KCNK13: variants seen among roughly 807,000 people sequenced by gnomAD.
KCNK13 encodes potassium two pore domain channel subfamily K member 13.
Under a neutral mutation model 23.4 loss-of-function variants are expected in KCNK13, and 12 were observed. The observed-to-expected ratio is 0.51, with a 90% CI of 0.33 to 0.83. The LOEUF (loss-of-function observed/expected upper bound fraction) is 0.83. Among genes scored for constraint, KCNK13 ranks in the 40% least tolerant of loss-of-function variants. The pLI, the probability that KCNK13 is intolerant of heterozygous loss-of-function variation, is 0.02. For synonymous variants in KCNK13, 231 were observed against 229.5 expected, an observed-to-expected ratio of 1.01 and a Z score of -0.06; for missense variants, 463 against 556.3, an observed-to-expected ratio of 0.83 and a Z score of 1.69.
chr14:90,085,958 A>G (rs1248108424), intron 1 of KCNK13, among the ~76,000 whole-genome samples: 2 of 149,636 alleles, frequency 1.3e-5, no homozygotes, highest in East Asian at 3.9e-4. Context: ...GGATAATACT[A>G]TAGATCTATA....
rs141652229 is a variant in KCNK13 at position 90,132,612 on chromosome 14, G to A, written c.335-51499G>A. 8.2e-3 allele frequency among the ~76,000 whole-genome samples: 1,240 copies of A among 152,146 alleles called. 21 individuals are homozygous for A. The highest frequency in any genetic ancestry group is 0.029 in the African/African-American group (1,186 of 41,496). On this transcript the variant is annotated intron_variant, in intron 1 of 1. Coordinates refer to ENST00000282146, the MANE Select transcript of KCNK13 (RefSeq NM_022054.4). ...CCTGGGTTGGGAGGAGGAGGGAATA[G>A]GGAATTATTTAGTGGGCCTATAGTT...
At chr14:90,130,563 A>C (rs1254835437) in intron 1 of KCNK13, among the ~76,000 whole-genome samples, 2 of 151,654 alleles carry the variant, frequency 1.3e-5, no homozygotes, top group Non-Finnish European at 2.9e-5. Context: ...CTGTAATCTC[A>C]GCACTTTGGG....
chr14:90,106,972 G>T (rs1448955592), intron 1 of KCNK13, among the ~76,000 whole-genome samples: 1 of 152,180 alleles, frequency 6.6e-6, no homozygotes, highest in Non-Finnish European at 1.5e-5. Context: ...AGTGAGCTGA[G>T]ATCGCACCAC....
rs536433329 is a variant in KCNK13 at position 90,074,210 on chromosome 14, C to T, written c.334+11671C>T. Among the ~76,000 whole-genome samples, 3 of 152,300 alleles carry T rather than the reference C, an allele frequency of 2.0e-5. No homozygotes were observed. The South Asian group carries it at 6.2e-4, about 32-fold the overall frequency. On this transcript the variant is annotated intron_variant, in intron 1 of 1. Transcript: ENST00000282146. ...GTCTCGAACTCCTGACCTCGTGATC[C>T]ACCCGCCTTGGCCTCCCAAGGTGCT...
intron 1 of KCNK13, among the ~76,000 whole-genome samples, chr14:90,169,608 T>C (rs938906901): frequency 4.6e-5 from 7 of 152,214 alleles, no homozygotes; most frequent in African/African-American, 1.7e-4. Context: ...CTAAGCATTT[T>C]CTTTAGGATA....
chr14:90,113,039 G>A (rs942442532), intron 1 of KCNK13, among the ~76,000 whole-genome samples: 18 of 151,284 alleles, frequency 1.2e-4, no homozygotes, highest in African/African-American at 4.1e-4. Flanking sequence ...CCAACCTCCT[G>A]AGTAGCTGGG....
At chr14:90,152,919 G>C (rs996815186) in intron 1 of KCNK13, among the ~76,000 whole-genome samples, 2 of 152,128 alleles carry the variant, frequency 1.3e-5, no homozygotes, top group Non-Finnish European at 2.9e-5. Context: ...GATCATGCTG[G>C]ACTGCATTGT....
At chr14:90,177,523 T>C (rs1379942309) in intron 1 of KCNK13, among the ~76,000 whole-genome samples, 2 of 152,224 alleles carry the variant, frequency 1.3e-5, no homozygotes, top group Non-Finnish European at 2.9e-5. Flanking sequence ...CAGAGGAATC[T>C]TTCCTCTTAT....
chr14:90,065,502 A>G (rs543919368), intron 1 of KCNK13, among the ~76,000 whole-genome samples: 8 of 152,256 alleles, frequency 5.3e-5, no homozygotes, highest in African/African-American at 1.9e-4. Flanking sequence ...TCGAGGAAGG[A>G]AAGTAAGTTA....
chr14:90,072,006 A>G (rs1398632052), intron 1 of KCNK13, among the ~76,000 whole-genome samples: 1 of 152,098 alleles, frequency 6.6e-6, no homozygotes, highest in Non-Finnish European at 1.5e-5. Flanking sequence ...AGAGGAGGAC[A>G]TTTCTGTGTT....
At chr14:90,065,297 T>A (rs1888995151) in intron 1 of KCNK13, among the ~76,000 whole-genome samples, 1 of 152,086 alleles carries the variant, frequency 6.6e-6, no homozygotes. Context: ...AAAATAATCA[T>A]AAAATACAAA....
intron 1 of KCNK13, among the ~76,000 whole-genome samples, chr14:90,113,174 C>A (rs1889636055): frequency 6.6e-6 from 1 of 152,066 alleles, no homozygotes; most frequent in Non-Finnish European, 1.5e-5. Context: ...CTCTCCCCAG[C>A]CTCCTAAAGT....
chr14:90,069,030 C>CTTTTTTTTTTTTTTTT (rs34881625), intron 1 of KCNK13, among the ~76,000 whole-genome samples: 1 of 90,122 alleles, frequency 1.1e-5, no homozygotes, highest in African/African-American at 4.4e-5. Flanking sequence ...AGTTTTTATT[C>CTTTTTTTTTTTTTTTT]TTTTTTTTTT....
intron 1 of KCNK13, among the ~76,000 whole-genome samples, chr14:90,142,510 G>A (rs1248135987): frequency 6.6e-6 from 1 of 150,776 alleles, no homozygotes. Context: ...AGTAGAGATG[G>A]GGTTTCATCG....
intron 1 of KCNK13, among the ~76,000 whole-genome samples, chr14:90,131,091 C>T (rs1218782451): frequency 6.6e-6 from 1 of 152,094 alleles, no homozygotes; most frequent in Non-Finnish European, 1.5e-5. Context: ...TTATGGAAAG[C>T]ACCTGGCACA....
chr14:90,174,265 G>T lies in KCNK13; in HGVS notation c.335-9846G>T, dbSNP rs1051340100. ...GTGGAGCTTGCAGTGAGCCGAGATT[G>T]TGCCACTGCACCCCAGCCTGGGCAA... On this transcript the variant is annotated intron_variant, in intron 1 of 1. Coordinates refer to ENST00000282146, the MANE Select transcript of KCNK13 (RefSeq NM_022054.4). 5.3e-5 allele frequency among the ~76,000 whole-genome samples: 8 copies of T among 152,162 alleles called. 1 individual carries two copies. In the South Asian group the frequency reaches 1.5e-3, roughly 28 times the overall value.
chr14:90,092,330 A>G (rs1889358553), intron 1 of KCNK13, among the ~76,000 whole-genome samples: 1 of 152,224 alleles, frequency 6.6e-6, no homozygotes, highest in South Asian at 2.1e-4. Context: ...AGAGAAACCC[A>G]CTGCTAAACT....
At chr14:90,130,521 TAGG>T (rs1263418009) in intron 1 of KCNK13, among the ~76,000 whole-genome samples, 1 of 150,976 alleles carries the variant, frequency 6.6e-6, no homozygotes, top group Non-Finnish European at 1.5e-5. Flanking sequence ...TTTAAATAAA[TAGG>T]AGTGTTGGCC....
At chr14:90,092,204 G>A (rs986675202) in intron 1 of KCNK13, among the ~76,000 whole-genome samples, 1 of 152,156 alleles carries the variant, frequency 6.6e-6, no homozygotes, top group African/African-American at 2.4e-5. Flanking sequence ...TTATAGGCGT[G>A]AGCCACCGCA....
Sources: allele counts gnomAD v4.1 joint callset (sites outside exome capture counted in the v4.1 genomes callset), GRCh38; gene constraint gnomAD v4.1.1; transcripts MANE v1.5; gene names NCBI Gene and HGNC (gene_info 2026-07-23, HGNC 2026-07-21).